The following ZP3 variants were observed in gnomAD, a reference collection of about 807,000 sequenced individuals.
ZP3 encodes zona pellucida sperm-binding protein 3.
ZP3 carries 21 observed loss-of-function variants against 35.6 expected under a neutral mutation model. The ratio of observed to expected loss-of-function variants is 0.59; its 90% CI spans 0.42 to 0.85. The LOEUF (loss-of-function observed/expected upper bound fraction) is 0.85, where lower values mean the gene tolerates loss of function less well. ZP3 is among the 40% of genes least tolerant of loss of function. The pLI is 0.00. For synonymous variants in ZP3, 207 were observed against 214.5 expected, an observed-to-expected ratio of 0.96 and a Z score of 0.31; for missense variants, 437 against 536.5, an observed-to-expected ratio of 0.81 and a Z score of 1.83.
intron 1 of ZP3, among the ~76,000 whole-genome samples, chr7:76,398,215 T>C (rs1804702661): frequency 6.6e-6 from 1 of 152,106 alleles, no homozygotes; most frequent in Non-Finnish European, 1.5e-5. Context: ...TTAGAGCACT[T>C]TTCATTTTCT....
intron 1 of ZP3, among the ~76,000 whole-genome samples, chr7:76,402,152 T>G (rs1804851975): frequency 6.7e-6 from 1 of 149,908 alleles, no homozygotes; most frequent in African/African-American, 2.4e-5. Flanking sequence ...CCAGAATAGC[T>G]GGGACAAGCT....
upstream of ZP3, among the ~76,000 whole-genome samples, chr7:76,422,117 G>T (rs1805517024): frequency 6.6e-6 from 1 of 151,822 alleles, no homozygotes; most frequent in Non-Finnish European, 1.5e-5. Context: ...GGCTGGTCTC[G>T]ATCTCCTGAC....
intron 5 of ZP3, among the ~76,000 whole-genome samples, chr7:76,435,117 C>T (rs1805952592): frequency 6.6e-6 from 1 of 151,944 alleles, no homozygotes; most frequent in Non-Finnish European, 1.5e-5. Context: ...GAGGCTGAGG[C>T]GGGCAGATCA....
chr7:76,403,295 C>T (rs1457112681), intron 1 of ZP3, among the ~76,000 whole-genome samples: 1 of 152,072 alleles, frequency 6.6e-6, no homozygotes, highest in East Asian at 1.9e-4. Flanking sequence ...CCACCCCCTG[C>T]AGCCTGTACT....
intron 1 of ZP3, among the ~76,000 whole-genome samples, chr7:76,415,103 C>T (rs542122742): frequency 4.6e-5 from 7 of 151,552 alleles, no homozygotes; most frequent in Admixed American, 4.0e-4. Context: ...AGGCCCAGCG[C>T]GGTGGCTCAT....
At chr7:76,433,055 C>T in intron 3 of ZP3, 25 bp downstream of exon 3, 2 of 1,573,430 alleles carry the variant, frequency 1.3e-6, no homozygotes, top group Non-Finnish European at 1.7e-6. Context: ...CTGGGTGGGA[C>T]ATCTGTGGAA....
intron 1 of ZP3, among the ~76,000 whole-genome samples, chr7:76,419,359 T>C (rs10241243): frequency 0.086 from 13,153 of 152,210 alleles, 1,119 homozygotes; most frequent in African/African-American, 0.21. Flanking sequence ...TTCATTTTTA[T>C]GTGGGAAGTG....
intron 5 of ZP3, among the ~76,000 whole-genome samples, chr7:76,437,677 T>G (rs1181044449): frequency 4.4e-4 from 65 of 147,040 alleles, no homozygotes; most frequent in African/African-American, 1.5e-3. Context: ...TTTTTTTTTT[T>G]TAGTAGAGAT....
intron 1 of ZP3, among the ~76,000 whole-genome samples, chr7:76,413,939 T>A (rs1284264455): frequency 2.6e-5 from 4 of 151,972 alleles, no homozygotes; most frequent in Admixed American, 2.6e-4. Flanking sequence ...AGTGCTGGGA[T>A]TATAGGCATG....
chr7:76,397,852 T>C, intron 1 of ZP3: 1 of 1,510,280 alleles, frequency 6.6e-7, no homozygotes, highest in Non-Finnish European at 8.9e-7. Context: ...GGGGCGGGGG[T>C]CAGGGCGCAT....
rs1044369598 is a variant in ZP3 at position 76,419,906 on chromosome 7, A to G, written c.-66-5146A>G. On this transcript the variant is annotated intron_variant, in intron 1 of 8. Coordinates refer to the ZP3 transcript ENST00000336517. The stretch of plus-strand genomic sequence containing the variant: ...AACTTCCGCCTCCCAGGTTCAAGCG[A>G]TTCTCCTGCCTCAGCCTCCCCAGTA... Among the ~76,000 whole-genome samples the G allele has an allele frequency of 7.9e-5, 12 of 151,188 alleles. No individual in the cohort carries two copies. The South Asian group carries it at 2.5e-3, about 32-fold the overall frequency.
chr7:76,407,435 G>A (rs557163179), intron 1 of ZP3, among the ~76,000 whole-genome samples: 3 of 151,840 alleles, frequency 2.0e-5, no homozygotes, highest in South Asian at 4.2e-4. Flanking sequence ...AGGTTCAAGC[G>A]ATTCTCCTGC....
intron 1 of ZP3, chr7:76,398,719 C>G (rs746603324): frequency 1.9e-6 from 3 of 1,612,942 alleles, no homozygotes; most frequent in Non-Finnish European, 2.5e-6. Flanking sequence ...TGCTTACGTA[C>G]TTTTTCCATT....
rs151130668 is a variant in ZP3 at position 76,398,747 on chromosome 7, G to T, written c.-67+950G>T. On this transcript the variant is annotated intron_variant, in intron 1 of 8. Transcript: ENST00000336517. ...TTTCCATTCGGCAGTGTCGTAGGAG[G>T]TGCTCTACTGGTTAACATCTTCCTT... The T allele has an allele frequency of 2.0e-5, 33 of 1,613,560 alleles. No homozygotes were observed. In the African/African-American group the frequency reaches 4.3e-4, roughly 21 times the overall value.
At chr7:76,435,821 G>A (rs185491509) in intron 5 of ZP3, among the ~76,000 whole-genome samples, 11 of 145,974 alleles carry the variant, frequency 7.5e-5, no homozygotes, top group African/African-American at 2.2e-4. Flanking sequence ...CTCTGCCTCC[G>A]GGTGCAAGCA....
At chr7:76,417,900 C>T (rs142179938) in intron 1 of ZP3, among the ~76,000 whole-genome samples, 2 of 151,858 alleles carry the variant, frequency 1.3e-5, no homozygotes, top group African/African-American at 4.8e-5. Flanking sequence ...AGGCATGAGC[C>T]ACCATGTCTG....
upstream of ZP3, among the ~76,000 whole-genome samples, chr7:76,424,022 C>T (rs183355357): frequency 2.8e-4 from 43 of 152,192 alleles, no homozygotes; most frequent in Admixed American, 2.5e-3. Context: ...ACCTACCCCC[C>T]GGCCTCCCAT....
chr7:76,440,008 C>A, intron 5 of ZP3: 1 of 468,292 alleles, frequency 2.1e-6, no homozygotes, highest in South Asian at 2.4e-5. Flanking sequence ...CCACCACGCC[C>A]AGCTAACTTT....
intron 1 of ZP3, 45 bp from the exon 2 acceptor site, chr7:76,429,470 G>T: frequency 6.3e-7 from 1 of 1,590,068 alleles, no homozygotes; most frequent in Non-Finnish European, 8.6e-7. Context: ...GGGAGTACCC[G>T]GGCAGGTGAT....
Sources: gnomAD v4.1 joint callset for allele counts (sites outside exome capture counted in the v4.1 genomes callset) on GRCh38, gnomAD v4.1.1 for gene constraint, MANE v1.5 for transcripts, NCBI Gene and HGNC (gene_info 2026-07-23, HGNC 2026-07-21) for gene names.